Variants in TSPAN8 observed in about 807,000 individuals in gnomAD.
The protein encoded by TSPAN8 is tetraspanin 8.
In TSPAN8, 21 loss-of-function variants were observed where a neutral mutation model predicts 32.8. The observed-to-expected ratio is 0.64, with a 90% CI of 0.45 to 0.92. The LOEUF is 0.92. TSPAN8 is among the 40% of genes least tolerant of loss of function. The pLI is 0.00. For missense variants in TSPAN8, 269 were observed against 281.9 expected, an observed-to-expected ratio of 0.95 and a Z score of 0.33; for synonymous variants, 95 against 94.6, an observed-to-expected ratio of 1.00 and a Z score of -0.03.
chr12:71,129,326 T>A lies in TSPAN8; in HGVS notation c.660+5A>T. The stretch of plus-strand genomic sequence containing the variant: ...AAGAGTCAATAATACAAGATTATAC[T>A]GTACCTCAATAACTGCCAGTCCAAA... On this transcript the variant is annotated splice_donor_5th_base_variant and intron_variant, in intron 8 of 8. Coordinates refer to ENST00000247829, the MANE Select transcript of TSPAN8 (RefSeq NM_004616.3). The A allele has an allele frequency of 6.4e-7, 1 of 1,568,622 alleles. No individual in the cohort carries two copies.
chr12:71,126,341 T>C (rs961140244), intron 8 of TSPAN8, among the ~76,000 whole-genome samples: 5 of 152,224 alleles, frequency 3.3e-5, no homozygotes, highest in Non-Finnish European at 5.9e-5. Context: ...TGTGCTACAA[T>C]TGAAGACTGA....
At chr12:71,128,284 A>T (rs1871405222) in intron 8 of TSPAN8, among the ~76,000 whole-genome samples, 1 of 152,196 alleles carries the variant, frequency 6.6e-6, no homozygotes, top group East Asian at 1.9e-4. Context: ...CCACCAGCAA[A>T]CTAAATAACC....
intron 8 of TSPAN8, among the ~76,000 whole-genome samples, chr12:71,128,461 ATTAACCAGGGAG>A (rs1871410012): frequency 2.6e-5 from 4 of 152,190 alleles, no homozygotes; most frequent in Non-Finnish European, 5.9e-5. Flanking sequence ...TCTCACAGGC[ATTAACCAGGGAG>A]ACACTTCACA....
chr12:71,156,269 C>CAAAAAAAAAAAAAAAAATAAAAAAAA (rs1287011627), intron 2 of TSPAN8, among the ~76,000 whole-genome samples: 1 of 32,516 alleles, frequency 3.1e-5, no homozygotes, highest in African/African-American at 1.3e-4. Context: ...AAAAAAAAAA[C>CAAAAAAAAAAAAAAAAATAAAAAAAA]AAACAAAAAA....
rs1167421942 is a variant in TSPAN8, at chr12:71,129,408, T to G, written c.583A>C (p.Ile195Leu). 1.9e-6 allele frequency: 3 copies of G among 1,562,996 alleles called. No homozygotes were observed. Among genetic ancestry groups the G allele is most frequent in the Non-Finnish European group, 2.6e-6 (3 of 1,158,958 alleles). Residue 195 changes from isoleucine to leucine, a missense_variant, in exon 8 of 9, where the codon ATT becomes CTT. Ile to Leu is a conservative substitution (Grantham distance 5). Coordinates refer to ENST00000247829, the MANE Select transcript of TSPAN8 (RefSeq NM_004616.3). ...NGKQVYKETC[I>L]SFIKDFLAKN... is the part of the protein sequence containing the mutation. Reference sequence around the variant, plus strand: ...GCCAAGAAGTCTTTTATGAAAGAAATACAGGTCTGTTAAAAAAAAAAAACA... The same window carrying G: ...GCCAAGAAGTCTTTTATGAAAGAAAGACAGGTCTGTTAAAAAAAAAAAACA...
chr12:71,157,748 C>CT lies in TSPAN8; in HGVS notation c.-71dup. 1 of 1,239,510 alleles carries CT rather than the reference C, an allele frequency of 8.1e-7. No individual in the cohort carries two copies. Among genetic ancestry groups the CT allele is most frequent in the Admixed American group, 1.8e-5 (1 of 57,138 alleles). The allele number at this position is 1,239,510 out of a possible 1,614,324, so 76.8% of individuals were successfully genotyped here. A position where few individuals can be genotyped will look rare whatever the true frequency, so the allele number is the denominator to read the frequency against. ...CGTTACAGGCTTGTCCTGCAATATGCTCTGGAGCAACTTGCCTGCAGAGAT... is the reference window on the plus strand; with the variant it reads ...CGTTACAGGCTTGTCCTGCAATATGCTTCTGGAGCAACTTGCCTGCAGAGAT... On this transcript the variant is annotated 5_prime_UTR_variant, in exon 2 of 9. An upstream open reading frame in the 5' UTR gains an earlier in-frame stop. Transcript: ENST00000247829.
At chr12:71,156,269 CAAACAAAAAAA>C (rs1872434377) in intron 2 of TSPAN8, among the ~76,000 whole-genome samples, 1 of 32,516 alleles carries the variant, frequency 3.1e-5, no homozygotes, top group Non-Finnish European at 5.8e-5. Flanking sequence ...AAAAAAAAAA[CAAACAAAAAAA>C]AAACTAGAAA....
intron 2 of TSPAN8, among the ~76,000 whole-genome samples, chr12:71,155,536 G>T (rs1158768203): frequency 6.6e-6 from 1 of 152,064 alleles, no homozygotes. Flanking sequence ...AAATAGACAT[G>T]AAACATATAT....
Position 71,138,043 on chromosome 12 carries a change from A to G in TSPAN8, c.354T>C (p.Asn118=), listed in dbSNP as rs1376281469. 1.2e-6 allele frequency: 2 copies of G among 1,613,752 alleles called. No individual in the cohort carries two copies. The highest frequency in any genetic ancestry group is 8.5e-7 in the Non-Finnish European group (1 of 1,179,956). Residue 118 remains asparagine, a synonymous_variant, in exon 6 of 9, where the codon AAT becomes AAC. Transcript: ENST00000247829. ...VFKSKSDRIV[N]ETLYENTKLL... ...GCTTTGTGTTTTCATAGAGAGTTTC[A>G]TTCACAATGCGATCAGACTGAAAAT...
In TSPAN8 at chr12:71,139,759, G is replaced by A; in HGVS notation, c.213C>T (p.Phe71=). The change falls in exon 4 of 9, where the codon TTC becomes TTT. Residue 71 remains phenylalanine, a synonymous_variant. Transcript: ENST00000247829. ...AVGAIIMILG[F]LGCCGAIKES... ...CTTTTATAGCACCGCAGCATCCCAG[G>A]AAGCCCAGAATCATGATGATGGCAC... The A allele has an allele frequency of 3.1e-6, 5 of 1,614,006 alleles. No homozygotes were observed. The highest frequency in any genetic ancestry group is 3.4e-6 in the Non-Finnish European group (4 of 1,179,930).
chr12:71,130,442 G>T (rs1871485280), intron 7 of TSPAN8, among the ~76,000 whole-genome samples: 1 of 152,016 alleles, frequency 6.6e-6, no homozygotes, highest in Non-Finnish European at 1.5e-5. Flanking sequence ...AAACATTTTG[G>T]ACTAGACCTA....
chr12:71,133,598 C>A (rs1871588720), intron 6 of TSPAN8, among the ~76,000 whole-genome samples: 1 of 152,056 alleles, frequency 6.6e-6, no homozygotes, highest in Non-Finnish European at 1.5e-5. Context: ...CAAATAGATG[C>A]TCAAGGAGCC....
At position 71,157,980 on chromosome 12, in the gene TSPAN8, G is replaced by C. The variant is rs893451263; in HGVS notation, c.-160C>G. ...TCCAGGCAAGTATGTTCCTTTGCTTGTCATAGCTCCTGGGGCACTGGGCCA... is the reference window on the plus strand; with the variant it reads ...TCCAGGCAAGTATGTTCCTTTGCTTCTCATAGCTCCTGGGGCACTGGGCCA... On this transcript the variant is annotated 5_prime_UTR_variant, in exon 1 of 9. Coordinates refer to ENST00000247829, the MANE Select transcript of TSPAN8 (RefSeq NM_004616.3). 5 of 338,178 alleles carry C rather than the reference G, an allele frequency of 1.5e-5. No individual in the cohort carries two copies. Among genetic ancestry groups the C allele is most frequent in the Non-Finnish European group, 2.7e-5 (5 of 183,912 alleles). 20.9% of individuals were successfully genotyped at this position (338,178 alleles called of 1,614,324 possible). A position where few individuals can be genotyped will look rare whatever the true frequency, so the allele number is the denominator to read the frequency against.
At chr12:71,152,513 C>G (rs1315557851) in intron 2 of TSPAN8, among the ~76,000 whole-genome samples, 1 of 152,112 alleles carries the variant, frequency 6.6e-6, no homozygotes, top group African/African-American at 2.4e-5. Context: ...TCACCACAAA[C>G]CCATGAGGTA....
chr12:71,136,870 T>C (rs1305828658), intron 6 of TSPAN8, among the ~76,000 whole-genome samples: 1 of 152,172 alleles, frequency 6.6e-6, no homozygotes, highest in Admixed American at 6.5e-5. Flanking sequence ...TCCACAGGGT[T>C]GTTGTGGGTA....
At chr12:71,156,719 CAG>C (rs1259551814) in intron 2 of TSPAN8, among the ~76,000 whole-genome samples, 1 of 152,106 alleles carries the variant, frequency 6.6e-6, no homozygotes, top group East Asian at 1.9e-4. Flanking sequence ...AAAACAAAAC[CAG>C]AGTTCTTTCA....
chr12:71,135,091 A>G (rs1871638296), intron 6 of TSPAN8, among the ~76,000 whole-genome samples: 1 of 152,186 alleles, frequency 6.6e-6, no homozygotes, highest in Non-Finnish European at 1.5e-5. Flanking sequence ...GCTTTTGTCA[A>G]TGTGTTATGG....
rs146811477 is a variant in TSPAN8, at chr12:71,141,443, T to C, written c.124-1595A>G. ...CCTGCTAAATATTGCTTCACTAGAA[T>C]ATTGTGGCCAGTACAGGCAAACCCT... On this transcript the variant is annotated intron_variant, in intron 3 of 8. Coordinates refer to ENST00000247829, the MANE Select transcript of TSPAN8 (RefSeq NM_004616.3). 7.9e-5 allele frequency among the ~76,000 whole-genome samples: 12 copies of C among 152,332 alleles called. 1 individual carries two copies. Among genetic ancestry groups the C allele is most frequent in the African/African-American group, 2.4e-4 (10 of 41,588 alleles).
At chr12:71,151,556 T>C (rs1439294441) in intron 2 of TSPAN8, among the ~76,000 whole-genome samples, 5 of 152,222 alleles carry the variant, frequency 3.3e-5, no homozygotes, top group Non-Finnish European at 7.3e-5. Flanking sequence ...ATCCTGATGT[T>C]TCTGAATCAA....
Sources: allele counts gnomAD v4.1 joint callset (sites outside exome capture counted in the v4.1 genomes callset), GRCh38; gene constraint gnomAD v4.1.1; transcripts MANE v1.5; gene names NCBI Gene and HGNC (gene_info 2026-07-23, HGNC 2026-07-21).